The following GRID2 variants were observed in gnomAD, a reference collection of about 807,000 sequenced individuals.
The protein encoded by GRID2 is glutamate ionotropic receptor delta type subunit 2.
In GRID2, 33 loss-of-function variants were observed where a neutral mutation model predicts 114.8. That is an observed-to-expected ratio of 0.29 (90% CI 0.22 to 0.38). The LOEUF (loss-of-function observed/expected upper bound fraction) is 0.38, where lower values mean the gene tolerates loss of function less well. Ranked by LOEUF, GRID2 falls within the 10% of genes least tolerant of loss-of-function variation. The pLI is 1.00. For synonymous variants in GRID2, 505 were observed against 449.9 expected, an observed-to-expected ratio of 1.12 and a Z score of -1.55; for missense variants, 1,184 against 1,257.7, an observed-to-expected ratio of 0.94 and a Z score of 0.89.
chr4:92,527,068 G>GA (rs370611685), intron 1 of GRID2, among the ~76,000 whole-genome samples: 360 of 148,006 alleles, frequency 2.4e-3, no homozygotes, highest in African/African-American at 8.0e-3. Flanking sequence ...GTTTGACTGA[G>GA]AAAAAAAAAA....
intron 2 of GRID2, among the ~76,000 whole-genome samples, chr4:92,641,999 A>T (rs1156485891): frequency 6.6e-6 from 1 of 151,146 alleles, no homozygotes; most frequent in Non-Finnish European, 1.5e-5. Flanking sequence ...TAGATGTTGT[A>T]TATGTACCAC....
chr4:93,631,992 C>T (rs948077884), intron 14 of GRID2, among the ~76,000 whole-genome samples: 13 of 152,024 alleles, frequency 8.6e-5, no homozygotes. Flanking sequence ...TTTCATGTCC[C>T]TTTTGGCTGC....
At chr4:92,839,829 G>A (rs539028586) in intron 2 of GRID2, among the ~76,000 whole-genome samples, 2 of 152,118 alleles carry the variant, frequency 1.3e-5, no homozygotes, top group East Asian at 1.9e-4. Context: ...ATATCTATTA[G>A]ATCCATTTGG....
At chr4:92,446,287 C>T (rs1262994466) in intron 1 of GRID2, among the ~76,000 whole-genome samples, 1 of 152,108 alleles carries the variant, frequency 6.6e-6, no homozygotes, top group East Asian at 1.9e-4. Context: ...CTTACCTCTT[C>T]TTGGTACCCA....
intron 1 of GRID2, among the ~76,000 whole-genome samples, chr4:92,421,248 T>C (rs1731894018): frequency 6.6e-6 from 1 of 152,150 alleles, no homozygotes; most frequent in African/African-American, 2.4e-5. Context: ...GACTGTTTTA[T>C]ATTTATTAAT....
intron 12 of GRID2, among the ~76,000 whole-genome samples, chr4:93,493,818 C>T (rs188116664): frequency 6.6e-6 from 1 of 151,798 alleles, no homozygotes; most frequent in East Asian, 2.0e-4. Flanking sequence ...TTCTACTGCC[C>T]AAAGTAACTT....
At chr4:92,318,941 C>T (rs1726159410) in intron 1 of GRID2, among the ~76,000 whole-genome samples, 1 of 151,940 alleles carries the variant, frequency 6.6e-6, no homozygotes. Context: ...CTTAAATGTT[C>T]AAATCAAAGA....
At chr4:93,151,583 CT>C (rs914096349) in intron 4 of GRID2, among the ~76,000 whole-genome samples, 30 of 152,012 alleles carry the variant, frequency 2.0e-4, no homozygotes, top group Admixed American at 1.1e-3. Flanking sequence ...AATATTATAG[CT>C]GTGACACTTA....
intron 13 of GRID2, among the ~76,000 whole-genome samples, chr4:93,534,718 C>CA (rs750275366): frequency 1.3e-5 from 2 of 151,880 alleles, no homozygotes; most frequent in Non-Finnish European, 2.9e-5. Flanking sequence ...ATTATTTGGA[C>CA]AAAATAGTCA....
chr4:93,568,663 A>C (rs1735661516), intron 13 of GRID2, among the ~76,000 whole-genome samples: 6 of 152,232 alleles, frequency 3.9e-5, no homozygotes, highest in Admixed American at 3.9e-4. Flanking sequence ...ATAGTCCTTT[A>C]CAAGACAGTT....
At chr4:93,347,544 A>T (rs546648998) in intron 8 of GRID2, among the ~76,000 whole-genome samples, 1 of 152,272 alleles carries the variant, frequency 6.6e-6, no homozygotes, top group South Asian at 2.1e-4. Flanking sequence ...TATTCCTTAT[A>T]TGATTTTCAT....
At chr4:92,396,418 T>C (rs1332928969) in intron 1 of GRID2, among the ~76,000 whole-genome samples, 2 of 151,990 alleles carry the variant, frequency 1.3e-5, no homozygotes, top group Admixed American at 1.3e-4. Flanking sequence ...ACCTCTGATA[T>C]GTGCTTTTAT....
intron 2 of GRID2, among the ~76,000 whole-genome samples, chr4:92,776,330 G>T (rs938100924): frequency 6.6e-6 from 1 of 152,062 alleles, no homozygotes; most frequent in Non-Finnish European, 1.5e-5. Flanking sequence ...AGTATATAGT[G>T]AGTCGTATTT....
intron 8 of GRID2, among the ~76,000 whole-genome samples, chr4:93,274,801 A>T (rs1374792579): frequency 6.6e-6 from 1 of 152,070 alleles, no homozygotes; most frequent in Non-Finnish European, 1.5e-5. Context: ...GACATCATGT[A>T]CGTGTCACAA....
intron 2 of GRID2, among the ~76,000 whole-genome samples, chr4:93,039,640 C>G (rs998756857): frequency 6.6e-6 from 1 of 152,084 alleles, no homozygotes; most frequent in South Asian, 2.1e-4. Flanking sequence ...GCAACAGTGT[C>G]TATAAGACTG....
intron 1 of GRID2, among the ~76,000 whole-genome samples, chr4:92,565,812 A>C (rs1341897558): frequency 1.3e-5 from 2 of 152,078 alleles, no homozygotes; most frequent in African/African-American, 2.4e-5. Flanking sequence ...CATAGTTTAA[A>C]GAATGCTGAT....
chr4:92,670,584 GATTTC>G (rs1366239204), intron 2 of GRID2, among the ~76,000 whole-genome samples: 2 of 151,984 alleles, frequency 1.3e-5, no homozygotes, highest in African/African-American at 2.4e-5. Context: ...TATAGAGTAA[GATTTC>G]AATTAACCTC....
intron 14 of GRID2, among the ~76,000 whole-genome samples, chr4:93,768,187 G>A (rs898340079): frequency 2.6e-5 from 4 of 152,230 alleles, no homozygotes; most frequent in African/African-American, 9.6e-5. Context: ...TCTTCTGCCA[G>A]GAGGACAACC....
chr4:93,420,038 C>T (rs537049618), intron 9 of GRID2, among the ~76,000 whole-genome samples: 3 of 151,842 alleles, frequency 2.0e-5, no homozygotes, highest in Non-Finnish European at 2.9e-5. Flanking sequence ...TAAACATAGC[C>T]GATTTTTTTT....
Sources: gnomAD v4.1 joint callset for allele counts (sites outside exome capture counted in the v4.1 genomes callset) on GRCh38, gnomAD v4.1.1 for gene constraint, MANE v1.5 for transcripts, NCBI Gene and HGNC (gene_info 2026-07-23, HGNC 2026-07-21) for gene names.